Variants in MAD1L1 observed in about 807,000 individuals in gnomAD.
MAD1L1 encodes mitotic arrest deficient 1 like 1, also known as mitotic spindle assembly checkpoint protein MAD1.
MAD1L1 carries 95 observed loss-of-function variants against 96.9 expected under a neutral mutation model. That is an observed-to-expected ratio of 0.98 (90% CI 0.83 to 1.16). The LOEUF is 1.16. MAD1L1 is among the 50% of genes most tolerant of loss of function. MAD1L1 has a pLI of 0.00. For missense variants in MAD1L1, 1,007 were observed against 954.4 expected (o/e 1.06, Z -0.73); for synonymous variants, 473 against 396.6 (o/e 1.19, Z -2.29).
chr7:2,024,213 C>T (rs1381064818), intron 12 of MAD1L1, among the ~76,000 whole-genome samples: 1 of 151,948 alleles, frequency 6.6e-6, no homozygotes, highest in Non-Finnish European at 1.5e-5. Context: ...AATAAAGAAA[C>T]ATTATGAGCA....
chr7:2,118,844 C>T (rs1187308904), intron 11 of MAD1L1, among the ~76,000 whole-genome samples: 1 of 152,216 alleles, frequency 6.6e-6, no homozygotes, highest in East Asian at 1.9e-4. Context: ...CGCGCAGACA[C>T]GTCCCTAGCA....
chr7:2,200,612 G>A (rs1278876206), intron 10 of MAD1L1: 2 of 152,318 alleles, frequency 1.3e-5, no homozygotes, highest in East Asian at 3.8e-4. Flanking sequence ...AGATCACTTA[G>A]TCCACATGAG....
intron 10 of MAD1L1, among the ~76,000 whole-genome samples, chr7:2,166,275 A>G (rs987390444): frequency 1.3e-5 from 2 of 152,218 alleles, no homozygotes; most frequent in Non-Finnish European, 2.9e-5. Context: ...CTGCAGGGAC[A>G]TGAGTTACAA....
Position 2,146,562 on chromosome 7 carries a change from G to A in MAD1L1, c.1073+2590C>T, listed in dbSNP as rs1046428257. The stretch of plus-strand genomic sequence containing the variant: ...GTCACAAGCACGTGCCCGCTGGTCC[G>A]CACAGACGAGGGAAAATGCCCAGCA... On this transcript the variant is annotated intron_variant, in intron 11 of 18. Coordinates refer to ENST00000265854, the MANE Select transcript of MAD1L1 (RefSeq NM_001013836.2). The surrounding 1 kb of genome is among the most constrained non-coding windows in gnomAD (Gnocchi z 6.2). Among the ~76,000 whole-genome samples the A allele has an allele frequency of 9.2e-5, 14 of 152,214 alleles. No homozygotes were observed. Among genetic ancestry groups the A allele is most frequent in the South Asian group, 2.1e-4 (1 of 4,834 alleles).
At chr7:2,083,302 C>T (rs565141595) in intron 11 of MAD1L1, among the ~76,000 whole-genome samples, 224 of 152,300 alleles carry the variant, frequency 1.5e-3, no homozygotes, top group Middle Eastern at 0.01. Context: ...TCCTCCGTGC[C>T]GGGCGGGGGG....
chr7:1,892,540 A>G (rs946499776), intron 18 of MAD1L1, among the ~76,000 whole-genome samples: 1 of 152,250 alleles, frequency 6.6e-6, no homozygotes, highest in African/African-American at 2.4e-5. Flanking sequence ...AAAATCTGGT[A>G]TCGGAAACGC....
intron 10 of MAD1L1, among the ~76,000 whole-genome samples, chr7:2,184,823 G>A (rs570646445): frequency 6.6e-6 from 1 of 152,024 alleles, no homozygotes; most frequent in Non-Finnish European, 1.5e-5. Context: ...CCAACATGGT[G>A]AAACCCTGTC....
At chr7:2,198,022 A>G (rs532912290) in intron 10 of MAD1L1, among the ~76,000 whole-genome samples, 1 of 150,356 alleles carries the variant, frequency 6.7e-6, no homozygotes, top group Admixed American at 6.6e-5. Flanking sequence ...GGACGGGGCA[A>G]CCACACCCAG....
In MAD1L1 at chr7:2,119,289, G is replaced by A. The variant is rs1787862765; in HGVS notation, c.1073+29863C>T. 6.6e-6 allele frequency among the ~76,000 whole-genome samples: 1 copy of A among 152,150 alleles called. No individual in the cohort carries two copies. Among genetic ancestry groups the A allele is most frequent in the Non-Finnish European group, 1.5e-5 (1 of 68,034 alleles). ...TGCCCCGCCCCTGGTTCACAGACAT[G>A]AGAAGCTCCCAGGCCATGGCTCTCC... On this transcript the variant is annotated intron_variant, in intron 11 of 18. Transcript: ENST00000265854. The surrounding 1 kb of genome is among the most constrained non-coding windows in gnomAD (Gnocchi z 4.6).
intron 10 of MAD1L1, among the ~76,000 whole-genome samples, chr7:2,152,472 C>T (rs1789628616): frequency 6.6e-6 from 1 of 152,236 alleles, no homozygotes; most frequent in South Asian, 2.1e-4. Flanking sequence ...CCCTGTCTGG[C>T]CATTCTTGCT....
chr7:2,043,124 G>T (rs1256499434), intron 12 of MAD1L1, among the ~76,000 whole-genome samples: 1 of 152,214 alleles, frequency 6.6e-6, no homozygotes, highest in East Asian at 1.9e-4. Context: ...ATTCAATTAT[G>T]CAGTGTAAGG....
chr7:2,104,300 G>A (rs1473300435), intron 11 of MAD1L1, among the ~76,000 whole-genome samples: 1 of 152,252 alleles, frequency 6.6e-6, no homozygotes, highest in African/African-American at 2.4e-5. Flanking sequence ...GAAGGCAGAT[G>A]AGGCCCCGGA....
intron 12 of MAD1L1, among the ~76,000 whole-genome samples, chr7:2,015,020 G>A (rs894557958): frequency 1.3e-5 from 2 of 152,212 alleles, no homozygotes; most frequent in African/African-American, 4.8e-5. Context: ...CAGAAGCCCA[G>A]GTTCCCCACC....
intron 15 of MAD1L1, among the ~76,000 whole-genome samples, chr7:1,962,238 T>G (rs1251395136): frequency 6.6e-6 from 1 of 152,262 alleles, no homozygotes; most frequent in African/African-American, 2.4e-5. Flanking sequence ...TATAAGGGGT[T>G]TCCCCTTTGG....
At chr7:1,913,993 A>C (rs943111181) in intron 17 of MAD1L1, among the ~76,000 whole-genome samples, 2 of 149,994 alleles carry the variant, frequency 1.3e-5, no homozygotes, top group East Asian at 4.0e-4. Context: ...GAGGGTAGAC[A>C]AGCTCCCAGG....
intron 14 of MAD1L1, among the ~76,000 whole-genome samples, chr7:1,993,182 C>A (rs965495331): frequency 6.6e-6 from 1 of 152,184 alleles, no homozygotes; most frequent in Admixed American, 6.5e-5. Flanking sequence ...CAAAAGATGC[C>A]CCCATGGGTC....
intron 10 of MAD1L1, among the ~76,000 whole-genome samples, chr7:2,164,783 A>T (rs1790344242): frequency 6.6e-6 from 1 of 152,206 alleles, no homozygotes; most frequent in African/African-American, 2.4e-5. Flanking sequence ...CCCAGCAAGG[A>T]CACTACATGG....
intron 15 of MAD1L1, among the ~76,000 whole-genome samples, chr7:1,977,677 A>G (rs1780709318): frequency 6.6e-6 from 1 of 152,246 alleles, no homozygotes; most frequent in Admixed American, 6.5e-5. Context: ...GTAAAAATGA[A>G]TAAACCCCAA....
intron 10 of MAD1L1, among the ~76,000 whole-genome samples, chr7:2,156,991 C>T (rs1336256929): frequency 2.6e-5 from 4 of 152,120 alleles, no homozygotes; most frequent in African/African-American, 9.7e-5. Context: ...ACACTGCCTG[C>T]GGTTCTCTGT....
Sources: allele counts gnomAD v4.1 joint callset (sites outside exome capture counted in the v4.1 genomes callset), GRCh38; gene constraint gnomAD v4.1.1; non-coding constraint Gnocchi (gnomAD v3.1); transcripts MANE v1.5; gene names NCBI Gene and HGNC (gene_info 2026-07-23, HGNC 2026-07-21).